Variants in KDELR1 observed in about 807,000 individuals in gnomAD.
The protein encoded by KDELR1 is ER lumen protein-retaining receptor 1.
KDELR1 carries 16 observed loss-of-function variants against 25.5 expected under a neutral mutation model. The ratio of observed to expected loss-of-function variants is 0.63; its 90% CI spans 0.43 to 0.95. KDELR1 has a LOEUF of 0.95. KDELR1 is among the 40% of genes least tolerant of loss of function. KDELR1 has a pLI of 0.00. For synonymous variants in KDELR1, 121 were observed against 115.0 expected, an observed-to-expected ratio of 1.05 and a Z score of -0.33; for missense variants, 159 against 265.2, an observed-to-expected ratio of 0.60 and a Z score of 2.78.
At chr19:48,391,184 C>A in intron 1 of KDELR1, 84 bp downstream of exon 1, 1 of 1,218,370 alleles carries the variant, frequency 8.2e-7, no homozygotes, top group South Asian at 1.3e-5. Flanking sequence ...CCCCTAGTGC[C>A]CCCAAACCCT....
rs768875633 is a variant in KDELR1, at chr19:48,383,287, C to T, written c.*6G>A. On this transcript the variant is annotated 3_prime_UTR_variant, in exon 5 of 5. Coordinates refer to ENST00000330720, the MANE Select transcript of KDELR1 (RefSeq NM_006801.3). ...CTGCCGAGGAGAGAGATGGAGAGGA[C>T]CGGGGCTATGCCGGCAAACTCAACT... is the stretch of plus-strand genomic sequence containing the variant. The T allele has an allele frequency of 1.5e-5, 24 of 1,551,996 alleles. No homozygotes were observed. The highest frequency in any genetic ancestry group is 1.8e-5 in the Non-Finnish European group (21 of 1,147,106).
At chr19:48,392,712 CA>C (rs1438725972), upstream of KDELR1, among the ~76,000 whole-genome samples, 3 of 152,168 alleles carry the variant, frequency 2.0e-5, no homozygotes, top group African/African-American at 7.2e-5. Flanking sequence ...AACTCTGACC[CA>C]AACTACCTCA....
chr19:48,390,557 GAGAGACAGAGAGAGAGAGAGAGAC>G, intron 1 of KDELR1, 33 bp from the exon 2 acceptor site: 6 of 1,316,406 alleles, frequency 4.6e-6, no homozygotes, highest in Middle Eastern at 1.9e-4. Context: ...GAGAGAGAGA[GAGAGACAGAGAGAGAGAGAGAGAC>G]AGACAGACAG....
At chr19:48,393,040 G>A (rs1342081228), upstream of KDELR1, among the ~76,000 whole-genome samples, 1 of 152,234 alleles carries the variant, frequency 6.6e-6, no homozygotes, top group Admixed American at 6.5e-5. The surrounding 1 kb of genome is among the most constrained non-coding windows in gnomAD (Gnocchi z 5.6). Context: ...AAGGGGTGCA[G>A]GCGTGTTGAT....
chr19:48,389,418 T>C, intron 3 of KDELR1, 135 bp downstream of exon 3: 1 of 931,772 alleles, frequency 1.1e-6, no homozygotes, highest in South Asian at 1.5e-5. Flanking sequence ...CCAGAGCCCA[T>C]GCACTGAACT....
intron 4 of KDELR1, 118 bp from the exon 5 acceptor site, chr19:48,383,445 T>G: frequency 1.2e-6 from 1 of 851,696 alleles, no homozygotes; most frequent in Non-Finnish European, 1.9e-6. Flanking sequence ...GGGAGGGAGG[T>G]CCCCCAGGAC....
Position 48,391,398 on chromosome 19 carries a change from G to A in KDELR1, c.-40C>T, listed in dbSNP as rs1569053859. On this transcript the variant is annotated 5_prime_UTR_variant, in exon 1 of 5. Coordinates refer to ENST00000330720, the MANE Select transcript of KDELR1 (RefSeq NM_006801.3). ...GGCAGGGCTGAGCGGGAGGGAGGCA[G>A]GCTGGCGGGGGGGTGCCCCCCGAGG... 6.6e-7 allele frequency: 1 copy of A among 1,504,420 alleles called. No homozygotes were observed. 93.2% of individuals were successfully genotyped at this position (1,504,420 alleles called of 1,614,324 possible). A position where few individuals can be genotyped will look rare whatever the true frequency, so the allele number is the denominator to read the frequency against.
intron 3 of KDELR1, among the ~76,000 whole-genome samples, chr19:48,385,514 C>T (rs1375661014): frequency 6.6e-6 from 1 of 152,214 alleles, no homozygotes; most frequent in Non-Finnish European, 1.5e-5. Context: ...CCCATGTGCT[C>T]AGCACAGGCC....
In KDELR1 at chr19:48,391,429, G is replaced by A. The variant is rs936543514; in HGVS notation, c.-71C>T. ...CGGGGGGGTGCCCCCCGAGGCTGCTGGTCTGAACGGGTAGCTGGGCTGGGG... is the reference window on the plus strand; with the variant it reads ...CGGGGGGGTGCCCCCCGAGGCTGCTAGTCTGAACGGGTAGCTGGGCTGGGG... On this transcript the variant is annotated 5_prime_UTR_variant, in exon 1 of 5. Coordinates refer to ENST00000330720, the MANE Select transcript of KDELR1 (RefSeq NM_006801.3). 5.8e-6 allele frequency: 7 copies of A among 1,205,192 alleles called. No individual in the cohort carries two copies. Among genetic ancestry groups the A allele is most frequent in the Middle Eastern group, 4.2e-4 (2 of 4,786 alleles). 74.7% of individuals were successfully genotyped at this position (1,205,192 alleles called of 1,614,324 possible). A position where few individuals can be genotyped will look rare whatever the true frequency, so the allele number is the denominator to read the frequency against.
At chr19:48,390,549 GAGAGAGAGAGAGACAGA>G in intron 1 of KDELR1, 25 bp from the exon 2 acceptor site, 1 of 1,388,288 alleles carries the variant, frequency 7.2e-7, no homozygotes, top group African/African-American at 1.6e-5. Flanking sequence ...CAGAGAAAGA[GAGAGAGAGAGAGACAGA>G]GAGAGAGAGA....
At chr19:48,388,992 C>T (rs1970520154) in intron 3 of KDELR1, among the ~76,000 whole-genome samples, 1 of 152,062 alleles carries the variant, frequency 6.6e-6, no homozygotes, top group African/African-American at 2.4e-5. Context: ...AAGGCTGGGC[C>T]AGGAATGGTG....
Position 48,384,526 on chromosome 19 carries a change from C to A in KDELR1, c.352-44G>T, listed in dbSNP as rs771397018. ...CATGATGAGGTGGGAGGGGACAGGG[C>A]GGGAGAAAAGGCAGAGGACAACATT... On this transcript the variant is annotated intron_variant, in intron 3 of 4. Transcript: ENST00000330720. The surrounding 1 kb of genome is among the most constrained non-coding windows in gnomAD (Gnocchi z 4.6). 1.9e-6 allele frequency: 3 copies of A among 1,587,076 alleles called. No homozygotes were observed. The highest frequency in any genetic ancestry group is 3.5e-5 in the Admixed American group (2 of 56,968).
At chr19:48,390,393 G>C in intron 2 of KDELR1, 31 bp downstream of exon 2, 1 of 1,521,846 alleles carries the variant, frequency 6.6e-7, no homozygotes. Context: ...CTGCCTCAGT[G>C]GGGGCCAGAG....
upstream of KDELR1, among the ~76,000 whole-genome samples, chr19:48,394,577 G>A (rs1318078791): frequency 6.6e-6 from 1 of 151,082 alleles, no homozygotes; most frequent in Admixed American, 6.6e-5. This position sits in a 1 kb window ranked among gnomAD's most constrained non-coding sequence, Gnocchi z 5.1. Flanking sequence ...CCCCGGGTGG[G>A]CGGAGGGGGG....
upstream of KDELR1, among the ~76,000 whole-genome samples, chr19:48,393,167 G>A (rs540296144): frequency 3.3e-5 from 5 of 151,968 alleles, no homozygotes; most frequent in Admixed American, 3.3e-4. This position sits in a 1 kb window ranked among gnomAD's most constrained non-coding sequence, Gnocchi z 5.6. Context: ...AAGAGACTCC[G>A]ACTTGGAGGC....
At chr19:48,390,037 G>C (rs1461584577) in intron 2 of KDELR1, among the ~76,000 whole-genome samples, 6 of 68,884 alleles carry the variant, frequency 8.7e-5, no homozygotes, top group Admixed American at 1.8e-4. Flanking sequence ...GGAGTCCAGG[G>C]CCCCATTCCC....
the KDELR1 span, among the ~76,000 whole-genome samples, chr19:48,397,163 T>C: frequency 6.9e-6 from 1 of 144,540 alleles, no homozygotes; most frequent in South Asian, 2.4e-4. Flanking sequence ...CATGACTCCC[T>C]TGCTTTGAGA....
chr19:48,396,177 G>A (rs143320490), upstream of KDELR1, among the ~76,000 whole-genome samples: 6,155 of 152,132 alleles, frequency 0.04, 153 homozygotes, highest in Middle Eastern at 0.095. Context: ...AGAGATGGAG[G>A]CGGGGGGAGC....
chr19:48,392,980 G>A (rs73049241), upstream of KDELR1, among the ~76,000 whole-genome samples: 14,161 of 152,272 alleles, frequency 0.093, 922 homozygotes, highest in Non-Finnish European at 0.13. Flanking sequence ...CTTCCCTTCC[G>A]GATGATGGGG....
Sources: allele counts gnomAD v4.1 joint callset (sites outside exome capture counted in the v4.1 genomes callset), GRCh38; gene constraint gnomAD v4.1.1; non-coding constraint Gnocchi (gnomAD v3.1); transcripts MANE v1.5; gene names NCBI Gene and HGNC (gene_info 2026-07-23, HGNC 2026-07-21).